The following RFX2 variants were observed in gnomAD, a reference collection of about 807,000 sequenced individuals.
RFX2 encodes the protein regulatory factor X2, also known as DNA-binding protein RFX2.
Under a neutral mutation model 87.8 loss-of-function variants are expected in RFX2, and 20 were observed. The observed-to-expected ratio is 0.23, with a 90% CI of 0.16 to 0.33. The LOEUF is 0.33. RFX2 is among the 10% of genes least tolerant of loss of function. The probability of loss-of-function intolerance (pLI) is 1.00; values close to 1 mark genes in which losing one functional copy is unlikely to be tolerated. For missense variants in RFX2, 767 were observed against 1,012.3 expected (o/e 0.76, Z 3.29); for synonymous variants, 397 against 431.3 (o/e 0.92, Z 0.98).
rs57740431 is a variant in RFX2, at chr19:6,011,432, C to T, written c.900-1181G>A. 6.8e-3 allele frequency among the ~76,000 whole-genome samples: 1,034 copies of T among 152,276 alleles called. 15 individuals are homozygous for T. Among genetic ancestry groups the T allele is most frequent in the African/African-American group, 0.024 (984 of 41,554 alleles). On this transcript the variant is annotated intron_variant, in intron 8 of 17. Transcript: ENST00000303657. This position sits in a 1 kb window ranked among gnomAD's most constrained non-coding sequence, Gnocchi z 4.8. ...GCCAGGCCTACAGGGAGGCGGGAGA[C>T]CATGCTGGCGAGGTGTGTGTAAACC...
At position 6,074,472 on chromosome 19, in the gene RFX2, G is replaced by A. The variant is rs1199424110; in HGVS notation, c.-8-26968C>T. ...AGGGTGCCCATAACACACTCCCTCA[G>A]AGCCTGGACACTCAGCCATCGTTCA... On this transcript the variant is annotated intron_variant, in intron 1 of 17. Transcript: ENST00000303657. The surrounding 1 kb of genome is among the most constrained non-coding windows in gnomAD (Gnocchi z 5.2). 6.6e-6 allele frequency among the ~76,000 whole-genome samples: 1 copy of A among 152,174 alleles called. No homozygotes were observed. Among genetic ancestry groups the A allele is most frequent in the East Asian group, 1.9e-4 (1 of 5,186 alleles).
In RFX2 at chr19:6,002,923, C is replaced by T; in HGVS notation, c.1501-53G>A. On this transcript the variant is annotated intron_variant, in intron 13 of 17. Coordinates refer to ENST00000303657, the MANE Select transcript of RFX2 (RefSeq NM_000635.4). The surrounding 1 kb of genome is among the most constrained non-coding windows in gnomAD (Gnocchi z 6.7). The stretch of plus-strand genomic sequence containing the variant: ...GGGTTCGCAGGGAGAGCCTGTTCCG[C>T]TGCGCTCCTTGCAGGGGTGTGTGGG... 4 of 1,556,952 alleles carry T rather than the reference C, an allele frequency of 2.6e-6. No individual in the cohort carries two copies. Among genetic ancestry groups the T allele is most frequent in the Non-Finnish European group, 3.5e-6 (4 of 1,156,302 alleles).
intron 1 of RFX2, chr19:6,077,128 ATGCGGACTGTG>A (rs1340476899): frequency 6.6e-6 from 1 of 152,264 alleles, no homozygotes; most frequent in African/African-American, 2.4e-5. Context: ...ACAGTGATTG[ATGCGGACTGTG>A]TTTAGTGCCA....
intron 1 of RFX2, among the ~76,000 whole-genome samples, chr19:6,108,810 C>T (rs758364965): frequency 9.2e-5 from 14 of 152,218 alleles, no homozygotes; most frequent in Non-Finnish European, 1.9e-4. Flanking sequence ...GGAAGATGAA[C>T]CGCGCCGGCA....
At chr19:6,014,300 C>A (rs2086696300) in intron 7 of RFX2, among the ~76,000 whole-genome samples, 1 of 152,098 alleles carries the variant, frequency 6.6e-6, no homozygotes, top group African/African-American at 2.4e-5. Context: ...GTAGTGCGAT[C>A]TCGGCTCACT....
At chr19:6,072,557 T>C (rs548408361) in intron 1 of RFX2, among the ~76,000 whole-genome samples, 1 of 151,558 alleles carries the variant, frequency 6.6e-6, no homozygotes, top group African/African-American at 2.4e-5. Flanking sequence ...AAATTAAAAA[T>C]TATTCGGGTA....
rs989174240 is a variant in RFX2 at position 6,008,100 on chromosome 19, G to T, written c.1134+6C>A. ...AGGAGCTGCCTGCCTGGGCTGGGGCGGTCACCTCGCAGTGCCGTCTGTACA... is the reference window on the plus strand; with the variant it reads ...AGGAGCTGCCTGCCTGGGCTGGGGCTGTCACCTCGCAGTGCCGTCTGTACA... On this transcript the variant is annotated splice_donor_region_variant and intron_variant, in intron 10 of 17. Transcript: ENST00000303657. The T allele has an allele frequency of 1.3e-6, 2 of 1,544,394 alleles. No homozygotes were observed.
At position 6,002,873 on chromosome 19, in the gene RFX2, G is replaced by A. The variant is rs754530307; in HGVS notation, c.1501-3C>T. ...GCGAAGGCACTGACGACGCCCACCT[G>A]TAAGCCAGGGCTCGTGGTGAGCAGG... On this transcript the variant is annotated splice_polypyrimidine_tract_variant and splice_region_variant and intron_variant, in intron 13 of 17. Transcript: ENST00000303657. The surrounding 1 kb of genome is among the most constrained non-coding windows in gnomAD (Gnocchi z 6.7). 10 of 1,603,354 alleles carry A rather than the reference G, an allele frequency of 6.2e-6. No homozygotes were observed. The highest frequency in any genetic ancestry group is 8.5e-6 in the Non-Finnish European group (10 of 1,177,200).
chr19:6,062,220 C>T (rs573037091), intron 1 of RFX2, among the ~76,000 whole-genome samples: 25 of 152,160 alleles, frequency 1.6e-4, no homozygotes, highest in African/African-American at 5.8e-4. Context: ...CCAAACTAGC[C>T]GAAAGAAAGA....
intron 1 of RFX2, among the ~76,000 whole-genome samples, chr19:6,086,695 T>C (rs905138927): frequency 2.6e-5 from 4 of 152,242 alleles, no homozygotes; most frequent in Non-Finnish European, 4.4e-5. Context: ...ATGACTTCTG[T>C]GTCTCCCCTT....
intron 1 of RFX2, among the ~76,000 whole-genome samples, chr19:6,049,493 C>T (rs919534083): frequency 6.6e-6 from 1 of 152,218 alleles, no homozygotes; most frequent in African/African-American, 2.4e-5. Flanking sequence ...TGTTCCACAT[C>T]ACAGGCATTT....
intron 1 of RFX2, among the ~76,000 whole-genome samples, chr19:6,105,118 C>CAAAAAAAA (rs1261973557): frequency 1.6e-5 from 1 of 62,300 alleles, no homozygotes. Context: ...CTCCGTCTCA[C>CAAAAAAAA]AAAAAAAAAA....
At chr19:6,043,806 TA>T (rs1371320717) in intron 3 of RFX2, among the ~76,000 whole-genome samples, 1 of 152,246 alleles carries the variant, frequency 6.6e-6, no homozygotes, top group Admixed American at 6.5e-5. Flanking sequence ...ATTGAAATCA[TA>T]AGAAGCATTT....
chr19:6,014,638 G>T (rs1342512239), intron 7 of RFX2, among the ~76,000 whole-genome samples: 1 of 152,144 alleles, frequency 6.6e-6, no homozygotes, highest in African/African-American at 2.4e-5. Flanking sequence ...GGAAAACGGG[G>T]GGAAATCAGC....
At position 6,064,804 on chromosome 19, in the gene RFX2, C is replaced by G. The variant is rs2087486149; in HGVS notation, c.-8-17300G>C. The stretch of plus-strand genomic sequence containing the variant: ...ACATCACATAGGGGACCTTTTCAAT[C>G]TACCTCCTACCTCCCCTCCAGTCGT... On this transcript the variant is annotated intron_variant, in intron 1 of 17. Coordinates refer to ENST00000303657, the MANE Select transcript of RFX2 (RefSeq NM_000635.4). This position sits in a 1 kb window ranked among gnomAD's most constrained non-coding sequence, Gnocchi z 4.8. Among the ~76,000 whole-genome samples the G allele has an allele frequency of 6.6e-6, 1 of 152,200 alleles. No individual in the cohort carries two copies. The highest frequency in any genetic ancestry group is 2.1e-4 in the South Asian group (1 of 4,830).
At position 5,994,947 on chromosome 19, in the gene RFX2, T is replaced by C. The variant is rs753979641; in HGVS notation, c.2060A>G (p.Asp687Gly). Residue 687 changes from aspartate to glycine, a missense_variant, in exon 18 of 18, where the codon GAC becomes GGC. Physicochemically the swap from Asp to Gly is moderately conservative, Grantham distance 94. Around this residue, in one of 2 missense-constraint regions of RFX2, gnomAD observed 621 missense variants for 873.0 expected, o/e 0.71. Transcript: ENST00000303657. ...SLSLTLLDKD[D>G]MGDEQRGSEA... ...GCTGCCACGCTGCTCATCGCCCATG[T>C]CATCTGCGGAGGGAGGGGTAGGGTC... 1 of 1,604,966 alleles carries C rather than the reference T, an allele frequency of 6.2e-7. No homozygotes were observed. Among genetic ancestry groups the C allele is most frequent in the African/African-American group, 1.3e-5 (1 of 75,010 alleles).
At chr19:6,048,514 C>T (rs1248503364) in intron 1 of RFX2, among the ~76,000 whole-genome samples, 2 of 152,162 alleles carry the variant, frequency 1.3e-5, no homozygotes, top group East Asian at 3.9e-4. Context: ...TCAGGCACAC[C>T]AGTCCCCCGT....
Position 6,063,161 on chromosome 19 carries a change from G to A in RFX2, c.-8-15657C>T, listed in dbSNP as rs1258821470. Among the ~76,000 whole-genome samples the A allele has an allele frequency of 6.6e-6, 1 of 152,104 alleles. No individual in the cohort carries two copies. Among genetic ancestry groups the A allele is most frequent in the Non-Finnish European group, 1.5e-5 (1 of 68,028 alleles). On this transcript the variant is annotated intron_variant, in intron 1 of 17. Coordinates refer to ENST00000303657, the MANE Select transcript of RFX2 (RefSeq NM_000635.4). The surrounding 1 kb of genome is among the most constrained non-coding windows in gnomAD (Gnocchi z 4.0). ...ACTCTCCCCTGGCGCCTGCTCTGTG[G>A]GGAAAGCCGGGCTTCCTCTGATTCC...
intron 1 of RFX2, among the ~76,000 whole-genome samples, chr19:6,109,566 G>A (rs28441261): frequency 0.2 from 30,695 of 151,878 alleles, 6,622 homozygotes; most frequent in African/African-American, 0.55. Flanking sequence ...CCCGGGACAA[G>A]TCAGATCTAG....
Sources: allele counts gnomAD v4.1 joint callset (sites outside exome capture counted in the v4.1 genomes callset), GRCh38; gene constraint gnomAD v4.1.1; regional missense constraint gnomAD v4.1.1; non-coding constraint Gnocchi (gnomAD v3.1); transcripts MANE v1.5; gene names NCBI Gene and HGNC (gene_info 2026-07-23, HGNC 2026-07-21).